The following MTIF2 variants were observed in gnomAD, a reference collection of about 807,000 sequenced individuals.
The protein encoded by MTIF2 is mitochondrial translational initiation factor 2.
Under a neutral mutation model 83.5 loss-of-function variants are expected in MTIF2, and 71 were observed. The ratio of observed to expected loss-of-function variants is 0.85; its 90% CI spans 0.70 to 1.04. The LOEUF is 1.04. Ranked by LOEUF, MTIF2 falls within the 50% of genes least tolerant of loss-of-function variation. The pLI, the probability that MTIF2 is intolerant of heterozygous loss-of-function variation, is 0.00. For missense variants in MTIF2, 957 were observed against 846.5 expected, an observed-to-expected ratio of 1.13 and a Z score of -1.62; for synonymous variants, 319 against 287.1, an observed-to-expected ratio of 1.11 and a Z score of -1.12.
rs548247885 is a variant in MTIF2 at position 55,243,592 on chromosome 2, A to G, written c.1388T>C (p.Ile463Thr). The change falls in exon 12 of 16, where the codon ATA (isoleucine) becomes ACA (threonine). Residue 463 changes from isoleucine (I) to threonine (T), a missense_variant. Ile to Thr is a moderately conservative substitution (Grantham distance 89). Transcript: ENST00000263629. Reference sequence around the variant, plus strand: ...TTTGTGTTCCTTTCGCTTTTCTTCTATTATTTTCAGATCCTCCTGACCTTT... The same window carrying G: ...TTTGTGTTCCTTTCGCTTTTCTTCTGTTATTTTCAGATCCTCCTGACCTTT... ...QEKGQEDLKI[I>T]EEKRKEHKEA... 2.6e-5 allele frequency: 42 copies of G among 1,613,942 alleles called. No homozygotes were observed. The South Asian group carries it at 3.5e-4, about 14-fold the overall frequency.
rs1244844172 is a variant in MTIF2, at chr2:55,240,160, A to T, written c.1721T>A (p.Phe574Tyr). ...GATAACATTGCCTGCATTCACATTAAAGCCATATATAACACCTAGCAAACA... is the reference window on the plus strand; with the variant it reads ...GATAACATTGCCTGCATTCACATTATAGCCATATATAACACCTAGCAAACA... ...AETFDGVIYG[F>Y]NVNAGNVIQQ... Residue 574 changes from phenylalanine (F) to tyrosine (Y), a missense_variant, in exon 14 of 16, where the codon TTT becomes TAT. By Grantham distance (22) the Phe-to-Tyr change is conservative. Around this residue, in one of 3 missense-constraint regions of MTIF2, gnomAD observed 221 missense variants for 180.6 expected, o/e 1.22. Coordinates refer to ENST00000263629, the MANE Select transcript of MTIF2 (RefSeq NM_002453.3). The T allele has an allele frequency of 6.2e-7, 1 of 1,613,520 alleles. No individual in the cohort carries two copies.
At chr2:55,256,354 C>T (rs1355733518) in intron 5 of MTIF2, among the ~76,000 whole-genome samples, 1 of 151,544 alleles carries the variant, frequency 6.6e-6, no homozygotes, top group East Asian at 1.9e-4. Flanking sequence ...TACATGTATC[C>T]GCAATTCATT....
intron 12 of MTIF2, 26 bp downstream of exon 12, chr2:55,243,390 G>A (rs2104319791): frequency 6.4e-7 from 1 of 1,556,310 alleles, no homozygotes; most frequent in Non-Finnish European, 8.8e-7. Flanking sequence ...AGAATGAACT[G>A]TAATGTAAAA....
intron 9 of MTIF2, among the ~76,000 whole-genome samples, chr2:55,248,101 G>T (rs1349837354): frequency 2.0e-5 from 3 of 152,102 alleles, no homozygotes; most frequent in Non-Finnish European, 4.4e-5. Context: ...TGTTGCCCAG[G>T]CTGGTCTTGA....
intron 6 of MTIF2, 60 bp from the exon 7 acceptor site, chr2:55,254,261 G>A: frequency 6.4e-7 from 1 of 1,557,140 alleles, no homozygotes; most frequent in Non-Finnish European, 8.7e-7. Flanking sequence ...TATAGCCTGT[G>A]AATTGGTTCA....
At chr2:55,261,079 A>G (rs1677936096) in intron 5 of MTIF2, among the ~76,000 whole-genome samples, 1 of 151,228 alleles carries the variant, frequency 6.6e-6, no homozygotes. Flanking sequence ...CTCCGCCTCC[A>G]CGGTTCACGC....
At position 55,246,445 on chromosome 2, in the gene MTIF2, G is replaced by T. The variant is rs765736523; in HGVS notation, c.998C>A (p.Ala333Asp). The change falls in exon 10 of 16, where the codon GCT becomes GAT. Residue 333 changes from alanine to aspartate, a missense_variant. By Grantham distance (126) the Ala-to-Asp change is moderately radical (BLOSUM62 -2). Around this residue, in one of 3 missense-constraint regions of MTIF2, gnomAD observed 733 missense variants for 648.7 expected, o/e 1.13. Transcript: ENST00000263629. ...VSALTGDNLMALAEATVALAE... is the reference protein window; with the variant it reads ...VSALTGDNLMDLAEATVALAE... ...AAGAGCAACTGTTGCTTCTGCCAAA[G>T]CCATCAGATTATCGCCCTTTAACAA... The T allele has an allele frequency of 6.2e-7, 1 of 1,613,468 alleles. No individual in the cohort carries two copies. Among genetic ancestry groups the T allele is most frequent in the African/African-American group, 1.3e-5 (1 of 74,998 alleles).
Position 55,249,437 on chromosome 2 carries a change from A to G in MTIF2, c.939T>C (p.Asp313=). ...ELLAYDVVCE[D]YGGDVQAVPV... is the part of the protein sequence containing the mutation. ...GCACTGCTTGAACATCACCTCCATA[A>G]TCTTCACATACCACATCGTAAGCCA... Residue 313 remains aspartate (D), a synonymous_variant, in exon 9 of 16, where the codon GAT becomes GAC. Coordinates refer to ENST00000263629, the MANE Select transcript of MTIF2 (RefSeq NM_002453.3). 6.2e-7 allele frequency: 1 copy of G among 1,614,096 alleles called. No individual in the cohort carries two copies. The highest frequency in any genetic ancestry group is 1.1e-5 in the South Asian group (1 of 91,080).
intron 15 of MTIF2, 101 bp downstream of exon 15, chr2:55,237,187 G>C (rs936690619): frequency 1.6e-5 from 21 of 1,312,952 alleles, no homozygotes; most frequent in Non-Finnish European, 2.1e-5. Context: ...GGCCTGAGCT[G>C]AGATTATGGG....
chr2:55,249,341 C>T (rs757216909), intron 9 of MTIF2, 54 bp downstream of exon 9: 70 of 1,589,888 alleles, frequency 4.4e-5, no homozygotes, highest in Admixed American at 1.8e-4. Flanking sequence ...ATACTGTGTG[C>T]ATTATGTACA....
intron 8 of MTIF2, among the ~76,000 whole-genome samples, chr2:55,250,495 T>C (rs1677020847): frequency 6.6e-6 from 1 of 152,158 alleles, no homozygotes; most frequent in Non-Finnish European, 1.5e-5. Flanking sequence ...AGGGTTTATT[T>C]ACTCATTGTT....
chr2:55,244,691 G>A (rs1249018981), intron 10 of MTIF2, among the ~76,000 whole-genome samples: 1 of 152,032 alleles, frequency 6.6e-6, no homozygotes, highest in Non-Finnish European at 1.5e-5. Flanking sequence ...AAGGTGGGTG[G>A]ATTGCTTGAG....
chr2:55,251,134 A>G (rs1019977919), intron 8 of MTIF2, among the ~76,000 whole-genome samples: 2 of 140,236 alleles, frequency 1.4e-5, no homozygotes, highest in Non-Finnish European at 3.2e-5. Context: ...AAAAAAAAAG[A>G]AAAGGAAAAA....
chr2:55,265,593 T>A (rs1678371673), intron 3 of MTIF2, among the ~76,000 whole-genome samples: 1 of 152,104 alleles, frequency 6.6e-6, no homozygotes, highest in African/African-American at 2.4e-5. Context: ...TTTTAGACTC[T>A]TCAGTATAGA....
At chr2:55,260,260 G>A (rs552390813) in intron 5 of MTIF2, among the ~76,000 whole-genome samples, 4 of 152,122 alleles carry the variant, frequency 2.6e-5, no homozygotes, top group East Asian at 3.9e-4. Flanking sequence ...TTAGCCGGGC[G>A]TGGTGGCACA....
Position 55,239,500 on chromosome 2 carries a change from TAAAA to T in MTIF2, c.1870+507_1870+510del, listed in dbSNP as rs557257503. Among the ~76,000 whole-genome samples, 8 of 151,964 alleles carry T rather than the reference TAAAA, an allele frequency of 5.3e-5. No individual in the cohort carries two copies. The South Asian group carries it at 1.5e-3, about 28-fold the overall frequency. ...AACTATTATCAAAATTAAAAGTTAA[TAAAA>T]AAACACAAAATCTACGTGGGGAGGA... On this transcript the variant is annotated intron_variant, in intron 14 of 15. Coordinates refer to ENST00000263629, the MANE Select transcript of MTIF2 (RefSeq NM_002453.3).
At chr2:55,254,872 C>A in intron 5 of MTIF2, 47 bp from the exon 6 acceptor site, 1 of 1,213,410 alleles carries the variant, frequency 8.2e-7, no homozygotes, top group South Asian at 1.9e-5. Context: ...ATTAAATGCT[C>A]AAGAAGTAAT....
At position 55,268,688 on chromosome 2, in the gene MTIF2, C is replaced by G. The variant is rs1281297334; in HGVS notation, c.-185G>C. On this transcript the variant is annotated 5_prime_UTR_variant, in exon 2 of 16. Coordinates refer to ENST00000263629, the MANE Select transcript of MTIF2 (RefSeq NM_002453.3). ...CAGTCAAGACTAGAACCCAGACGTT[C>G]TGACTCCCAGTACGGTGTTGTTTCG... The G allele has an allele frequency of 6.6e-6, 1 of 152,296 alleles. No individual in the cohort carries two copies. Among genetic ancestry groups the G allele is most frequent in the African/African-American group, 2.4e-5 (1 of 41,460 alleles). The allele number at this position is 152,296 out of a possible 1,614,324, so 9.4% of individuals were successfully genotyped here. A position where few individuals can be genotyped will look rare whatever the true frequency, so the allele number is the denominator to read the frequency against.
At chr2:55,254,328 A>T in intron 6 of MTIF2, 127 bp from the exon 7 acceptor site, 2 of 1,072,670 alleles carry the variant, frequency 1.9e-6, no homozygotes, top group South Asian at 1.7e-5. Context: ...TGTGGATTAG[A>T]CCTATTTCCC....
Sources: allele counts gnomAD v4.1 joint callset (sites outside exome capture counted in the v4.1 genomes callset), GRCh38; gene constraint gnomAD v4.1.1; regional missense constraint gnomAD v4.1.1; transcripts MANE v1.5; gene names NCBI Gene and HGNC (gene_info 2026-07-23, HGNC 2026-07-21).